The following CATSPERE variants were observed in gnomAD, a reference collection of about 807,000 sequenced individuals.
CATSPERE encodes cation channel sperm-associated auxiliary subunit epsilon.
CATSPERE carries 93 observed loss-of-function variants against 114.1 expected under a neutral mutation model. The ratio of observed to expected loss-of-function variants is 0.81; its 90% confidence interval spans 0.69 to 0.97. CATSPERE has a LOEUF of 0.97. CATSPERE is among the 50% of genes least tolerant of loss of function. The pLI is 0.00. For synonymous variants in CATSPERE, 341 were observed against 384.1 expected (o/e 0.89, Z 1.31); for missense variants, 1,058 against 1,131.6 (o/e 0.93, Z 0.93).
chr1:244,566,201 C>T (rs1293041330), intron 10 of CATSPERE, among the ~76,000 whole-genome samples: 1 of 152,102 alleles, frequency 6.6e-6, no homozygotes, highest in Non-Finnish European at 1.5e-5. Context: ...GTTATGATTT[C>T]CATTCTTTTG....
At chr1:244,477,016 A>G (rs1669465051) in intron 2 of CATSPERE, among the ~76,000 whole-genome samples, 1 of 151,622 alleles carries the variant, frequency 6.6e-6, no homozygotes, top group Admixed American at 6.6e-5. Flanking sequence ...TTTTTTTGAG[A>G]TGGAGTTTCG....
At chr1:244,562,910 G>T (rs569384918) in intron 10 of CATSPERE, among the ~76,000 whole-genome samples, 3 of 152,202 alleles carry the variant, frequency 2.0e-5, no homozygotes, top group Admixed American at 6.5e-5. Flanking sequence ...ACAGGCCTTG[G>T]TGTGTGATGT....
At chr1:244,539,306 C>T (rs1658197677) in intron 8 of CATSPERE, among the ~76,000 whole-genome samples, 2 of 129,942 alleles carry the variant, frequency 1.5e-5, no homozygotes, top group Admixed American at 1.7e-4. Flanking sequence ...ACCAGCCTTG[C>T]ATCCCAGGGA....
chr1:244,506,652 T>C (rs552227250), intron 7 of CATSPERE, among the ~76,000 whole-genome samples: 6 of 152,184 alleles, frequency 3.9e-5, no homozygotes, highest in Non-Finnish European at 8.8e-5. Context: ...AGATTGTGTA[T>C]AGATTATTTT....
At chr1:244,538,198 G>A (rs12748213) in intron 8 of CATSPERE, among the ~76,000 whole-genome samples, 22,973 of 151,978 alleles carry the variant, frequency 0.15, 2,152 homozygotes, top group East Asian at 0.23. Context: ...AAAGTTACAC[G>A]GCTTATTGAA....
chr1:244,562,153 C>A (rs1435221833), intron 10 of CATSPERE, among the ~76,000 whole-genome samples: 66 of 70,126 alleles, frequency 9.4e-4, no homozygotes, highest in South Asian at 1.6e-3. Flanking sequence ...GATCCTGTCT[C>A]AAAAAAAAAA....
Position 244,551,882 on chromosome 1 carries a change from G to C in CATSPERE, c.537-440G>C, listed in dbSNP as rs182828238. Among the ~76,000 whole-genome samples, 62 of 151,990 alleles carry C rather than the reference G, an allele frequency of 4.1e-4. 1 individual carries two copies. Among genetic ancestry groups the C allele is most frequent in the African/African-American group, 1.4e-3 (60 of 41,496 alleles). ...GATTGAGACCATCCTGGCTAACACG[G>C]TGAAACCCCATCTCTACTAAAAATA... On this transcript the variant is annotated intron_variant, in intron 8 of 21. Transcript: ENST00000366534.
chr1:244,574,387 G>C (rs1208299179), intron 11 of CATSPERE, among the ~76,000 whole-genome samples: 1 of 152,258 alleles, frequency 6.6e-6, no homozygotes, highest in South Asian at 2.1e-4. Context: ...ACAAAGTAAG[G>C]AGGCTTGAAG....
Position 244,621,315 on chromosome 1 carries a change from AATAT to A in CATSPERE, c.2648+3656_2648+3659del, listed in dbSNP as rs201672348. On this transcript the variant is annotated intron_variant, in intron 20 of 21. Coordinates refer to ENST00000366534, the MANE Select transcript of CATSPERE (RefSeq NM_001130957.2). ...TCTATATAAATATATAAATATATAA[AATAT>A]ATATATATATATATATATATATATA... is the stretch of plus-strand genomic sequence containing the variant. Among the ~76,000 whole-genome samples, 168 of 26,338 alleles carry A rather than the reference AATAT, an allele frequency of 6.4e-3. 19 individuals are homozygous for A. The highest frequency in any genetic ancestry group is 0.017 in the African/African-American group (108 of 6,238). 17.3% of individuals were successfully genotyped at this position (26,338 alleles called of 152,430 possible). A position where few individuals can be genotyped will look rare whatever the true frequency, so the allele number is the denominator to read the frequency against.
intron 7 of CATSPERE, among the ~76,000 whole-genome samples, chr1:244,515,712 A>G (rs886585859): frequency 6.6e-6 from 1 of 152,228 alleles, no homozygotes; most frequent in Non-Finnish European, 1.5e-5. Context: ...CAATGTATCA[A>G]ATGCTGCTAA....
At chr1:244,631,092 T>A (rs1673882253) in intron 20 of CATSPERE, among the ~76,000 whole-genome samples, 1 of 152,182 alleles carries the variant, frequency 6.6e-6, no homozygotes, top group African/African-American at 2.4e-5. Flanking sequence ...GATCTAAATC[T>A]GTCTAGAAAC....
At chr1:244,486,496 C>T (rs1671053560) in intron 5 of CATSPERE, among the ~76,000 whole-genome samples, 1 of 145,338 alleles carries the variant, frequency 6.9e-6, no homozygotes, top group Non-Finnish European at 1.5e-5. Context: ...GTGGGGTACT[C>T]GTGGGCCAGG....
At chr1:244,477,661 T>C (rs1158619377) in intron 3 of CATSPERE, 47 bp downstream of exon 3, 1 of 1,221,552 alleles carries the variant, frequency 8.2e-7, no homozygotes. Flanking sequence ...ATTTTTTAAT[T>C]CATTCATATA....
intron 7 of CATSPERE, among the ~76,000 whole-genome samples, chr1:244,506,006 AAAAAAC>A (rs994114918): frequency 2.0e-5 from 3 of 152,156 alleles, no homozygotes; most frequent in Non-Finnish European, 2.9e-5. Context: ...ACCCCATCTC[AAAAAAC>A]AAAAACAAAA....
At chr1:244,489,169 TC>T (rs1330798897) in intron 5 of CATSPERE, among the ~76,000 whole-genome samples, 1 of 152,178 alleles carries the variant, frequency 6.6e-6, no homozygotes, top group African/African-American at 2.4e-5. Flanking sequence ...TTACTATGTG[TC>T]CCAGGCTGGT....
chr1:244,537,444 G>C (rs1277338612), intron 8 of CATSPERE, among the ~76,000 whole-genome samples: 1 of 152,122 alleles, frequency 6.6e-6, no homozygotes, highest in Non-Finnish European at 1.5e-5. Context: ...CCTTTCTTGT[G>C]ATGTCTTTGT....
chr1:244,473,659 T>C (rs12064941), intron 2 of CATSPERE, among the ~76,000 whole-genome samples: 34,079 of 152,054 alleles, frequency 0.22, 4,429 homozygotes, highest in African/African-American at 0.34. Flanking sequence ...TTTTGTGATG[T>C]ATCTAAGAAG....
rs59466928 is a variant in CATSPERE, at chr1:244,566,652, C to CTTTTTTTTTTTTTTTTT, written c.1507+5526_1507+5542dup. Among the ~76,000 whole-genome samples, 86 of 49,038 alleles carry CTTTTTTTTTTTTTTTTT rather than the reference C, an allele frequency of 1.8e-3. 17 individuals are homozygous for CTTTTTTTTTTTTTTTTT. The highest frequency in any genetic ancestry group is 3.6e-3 in the Non-Finnish European group (51 of 14,256). The allele number at this position is 49,038 out of a possible 152,430, so 32.2% of individuals were successfully genotyped here. A position where few individuals can be genotyped will look rare whatever the true frequency, so the allele number is the denominator to read the frequency against. On this transcript the variant is annotated intron_variant, in intron 10 of 21. Coordinates refer to ENST00000366534, the MANE Select transcript of CATSPERE (RefSeq NM_001130957.2). ...TCAGAGACTAGGATTGCAACCCCTG[C>CTTTTTTTTTTTTTTTTT]TTTTTTTTTTTTTTTTTTTTTTTTT...
At chr1:244,598,915 G>A (rs952807665) in intron 17 of CATSPERE, among the ~76,000 whole-genome samples, 2 of 151,962 alleles carry the variant, frequency 1.3e-5, no homozygotes, top group African/African-American at 4.8e-5. Flanking sequence ...CAGCCTGACC[G>A]TCTCCCCTTG....
Sources: gnomAD v4.1 joint callset for allele counts (sites outside exome capture counted in the v4.1 genomes callset) on GRCh38, gnomAD v4.1.1 for gene constraint, MANE v1.5 for transcripts, NCBI Gene and HGNC (gene_info 2026-07-23, HGNC 2026-07-21) for gene names.